L1TD1: variants seen among roughly 807,000 people sequenced by gnomAD.
The protein encoded by L1TD1 is LINE-1 type transposase domain-containing protein 1.
A neutral mutation model predicts 25.7 loss-of-function variants in L1TD1; 26 were observed. That is an observed-to-expected ratio of 1.01 (90% CI 0.74 to 1.40). The LOEUF (loss-of-function observed/expected upper bound fraction) is 1.40. L1TD1 is among the 40% of genes most tolerant of loss of function. The pLI, the probability that L1TD1 is intolerant of heterozygous loss-of-function variation, is 0.00. For missense variants in L1TD1, 1,130 were observed against 975.0 expected (o/e 1.16, Z -2.12); for synonymous variants, 421 against 335.6 (o/e 1.25, Z -2.78).
chr1:62,207,488 A>C lies in L1TD1; in HGVS notation c.860A>C (p.Asp287Ala), dbSNP rs1285941320. Residue 287 changes from aspartate to alanine, a missense_variant, in exon 3 of 4, where the codon GAT (aspartate) becomes GCT (alanine). Transcript: ENST00000498273. ...LCEVKLAFKC[D>A]GEIKTFSDLQ... ...GAAGTTAAATTAGCATTTAAATGTG[A>C]TGGTGAAATAAAGACATTTTCAGAT... The C allele has an allele frequency of 6.4e-7, 1 of 1,551,324 alleles. No individual in the cohort carries two copies. The highest frequency in any genetic ancestry group is 8.7e-7 in the Non-Finnish European group (1 of 1,146,874).
chr1:62,200,670 T>A (rs1291599089), intron 2 of L1TD1, among the ~76,000 whole-genome samples: 1 of 152,120 alleles, frequency 6.6e-6, no homozygotes, highest in Non-Finnish European at 1.5e-5. Context: ...TTCCTAAGTG[T>A]ACAGGTGGTT....
At chr1:62,202,053 C>T (rs1670648813) in intron 2 of L1TD1, among the ~76,000 whole-genome samples, 1 of 152,176 alleles carries the variant, frequency 6.6e-6, no homozygotes, top group African/African-American at 2.4e-5. Flanking sequence ...GTAATCCCAG[C>T]ACTTTGGGAG....
Position 62,211,540 on chromosome 1 carries a change from T to A in L1TD1, c.*168T>A. ...ATATTACCTAGATGTTAATAAAGGG[T>A]ATGTTTAAAAAAAATAGGCTGGTCT... is the stretch of plus-strand genomic sequence containing the variant. On this transcript the variant is annotated 3_prime_UTR_variant, in exon 4 of 4. Transcript: ENST00000498273. The A allele has an allele frequency of 8.5e-7, 1 of 1,172,900 alleles. No individual in the cohort carries two copies. The highest frequency in any genetic ancestry group is 1.1e-6 in the Non-Finnish European group (1 of 876,824). 72.7% of individuals were successfully genotyped at this position (1,172,900 alleles called of 1,614,324 possible).
Position 62,209,754 on chromosome 1 carries a change from C to T in L1TD1, c.1009-29C>T, listed in dbSNP as rs564587664. The T allele has an allele frequency of 6.4e-6, 9 of 1,412,868 alleles. No individual in the cohort carries two copies. In the African/African-American group the frequency reaches 1.2e-4, roughly 18 times the overall value. 87.5% of individuals were successfully genotyped at this position (1,412,868 alleles called of 1,614,324 possible). ...AGACAAATGATTTAAACAAATAACT[C>T]TTTTTTTTCTTCTTTGTTTAACTTT... On this transcript the variant is annotated intron_variant, in intron 3 of 3. Coordinates refer to ENST00000498273, the MANE Select transcript of L1TD1 (RefSeq NM_019079.5).
At chr1:62,205,428 TATATATATATATA>T (rs1670723224) in intron 2 of L1TD1, among the ~76,000 whole-genome samples, 1 of 71,040 alleles carries the variant, frequency 1.4e-5, no homozygotes, top group Non-Finnish European at 3.0e-5. Context: ...TATATATATA[TATATATATATATA>T]TATTTTTTTT....
chr1:62,195,344 GAAA>G (rs758927711), intron 1 of L1TD1, among the ~76,000 whole-genome samples: 1 of 152,194 alleles, frequency 6.6e-6, no homozygotes. Context: ...GGCGCAATGA[GAAA>G]AAAACTCTCC....
rs768724581 is a variant in L1TD1 at position 62,206,744 on chromosome 1, C to T, written c.116C>T (p.Pro39Leu). ...ACAGAAACTGATAAGGACATAGCTC[C>T]GGTATTAGATTTAAAATGCAAGGAC... ...QLTETDKDIA[P>L]VLDLKCKDVS... The change falls in exon 3 of 4, where the codon CCG becomes CTG. Residue 39 changes from proline to leucine, a missense_variant. Physicochemically the swap from Pro to Leu is moderately conservative, Grantham distance 98. Transcript: ENST00000498273. 3.0e-5 allele frequency: 46 copies of T among 1,552,112 alleles called. No homozygotes were observed. Among genetic ancestry groups the T allele is most frequent in the Non-Finnish European group, 3.6e-5 (41 of 1,147,174 alleles).
chr1:62,207,003 A>G lies in L1TD1; in HGVS notation c.375A>G (p.Lys125=). The stretch of plus-strand genomic sequence containing the variant: ...GGAAAATAGAAGGAGAAAACTCTAA[A>G]ATAGGTGATGATAATGAAAATTTAA... ...MVGKIEGENS[K]IGDDNENLTF... The change falls in exon 3 of 4, where the codon AAA becomes AAG. Residue 125 remains lysine (K), a synonymous_variant. Coordinates refer to ENST00000498273, the MANE Select transcript of L1TD1 (RefSeq NM_019079.5). The G allele has an allele frequency of 6.2e-7, 1 of 1,613,136 alleles. No individual in the cohort carries two copies. The highest frequency in any genetic ancestry group is 1.1e-5 in the South Asian group (1 of 90,876).
Position 62,207,649 on chromosome 1 carries a change from A to C in L1TD1, c.1008+13A>C. On this transcript the variant is annotated intron_variant, in intron 3 of 3. Coordinates refer to ENST00000498273, the MANE Select transcript of L1TD1 (RefSeq NM_019079.5). Reference sequence around the variant, plus strand: ...TCAAGAAAAAAGGGTAAGCATACAAATGTATAAATGTATAAAGCTTATGTA... The same window carrying C: ...TCAAGAAAAAAGGGTAAGCATACAACTGTATAAATGTATAAAGCTTATGTA... The C allele has an allele frequency of 6.7e-7, 1 of 1,499,802 alleles. No homozygotes were observed. Among genetic ancestry groups the C allele is most frequent in the Non-Finnish European group, 8.9e-7 (1 of 1,124,652 alleles). The allele number at this position is 1,499,802 out of a possible 1,614,324, so 92.9% of individuals were successfully genotyped here.
chr1:62,195,271 C>A (rs1296870612), intron 1 of L1TD1, among the ~76,000 whole-genome samples: 1 of 152,050 alleles, frequency 6.6e-6, no homozygotes. Flanking sequence ...GTGCGTGGGG[C>A]CCGGGTAGGG....
chr1:62,205,456 C>CAA, intron 2 of L1TD1, among the ~76,000 whole-genome samples: 1 of 52,666 alleles, frequency 1.9e-5, no homozygotes, highest in East Asian at 3.9e-4. Context: ...TTTTTTTAGA[C>CAA]AGTCTTGCTG....
intron 2 of L1TD1, among the ~76,000 whole-genome samples, chr1:62,200,470 CATAATGTATATT>C (rs201474780): frequency 0.015 from 2,343 of 152,148 alleles, 36 homozygotes; most frequent in Non-Finnish European, 0.023. Flanking sequence ...TGTGCCTGGC[CATAATGTATATT>C]ATAATGTATA....
chr1:62,207,159 C>A lies in L1TD1; in HGVS notation c.531C>A (p.Thr177=). 6.4e-7 allele frequency: 1 copy of A among 1,560,866 alleles called. No individual in the cohort carries two copies. Among genetic ancestry groups the A allele is most frequent in the Non-Finnish European group, 8.7e-7 (1 of 1,151,298 alleles). The part of the protein sequence containing the change: ...SYEVMGSMEE[T]LCNIDDRDGN... ...AAGTCATGGGAAGTATGGAAGAAAC[C>A]TTATGCAATATAGATGACAGAGATG... The change falls in exon 3 of 4, where the codon ACC becomes ACA. Residue 177 remains threonine, a synonymous_variant. Coordinates refer to ENST00000498273, the MANE Select transcript of L1TD1 (RefSeq NM_019079.5).
chr1:62,196,211 A>G (rs1237677520), intron 1 of L1TD1, among the ~76,000 whole-genome samples: 1 of 152,072 alleles, frequency 6.6e-6, no homozygotes, highest in Non-Finnish European at 1.5e-5. Flanking sequence ...AGAAGAAACC[A>G]TTCTCTCCGG....
chr1:62,198,844 A>G (rs1369825684), intron 2 of L1TD1, among the ~76,000 whole-genome samples: 2 of 148,664 alleles, frequency 1.3e-5, no homozygotes, highest in Non-Finnish European at 3.0e-5. Flanking sequence ...CTCCCTAATC[A>G]CTTTTTTTTT....
chr1:62,207,741 T>A, intron 3 of L1TD1, 105 bp downstream of exon 3: 1 of 1,338,304 alleles, frequency 7.5e-7, no homozygotes, highest in Non-Finnish European at 9.8e-7. Context: ...AGATGGAGTT[T>A]CGCTCTTGTC....
chr1:62,197,433 A>ATATATATATATATAT (rs1174042182), intron 2 of L1TD1, among the ~76,000 whole-genome samples: 5 of 138,430 alleles, frequency 3.6e-5, no homozygotes, highest in South Asian at 2.3e-4. Context: ...ATATATATAT[A>ATATATATATATATAT]GTTTAGTCCT....
intron 1 of L1TD1, among the ~76,000 whole-genome samples, chr1:62,196,024 G>A (rs1420865509): frequency 7.6e-6 from 1 of 131,866 alleles, no homozygotes; most frequent in Non-Finnish European, 1.6e-5. Flanking sequence ...GCGGCAGAGC[G>A]AAACTCCGTC....
chr1:62,205,435 A>ATTTTTTTTTTTTTTTTT (rs1220640977), intron 2 of L1TD1, among the ~76,000 whole-genome samples: 1 of 36,070 alleles, frequency 2.8e-5, no homozygotes. Context: ...ATATATATAT[A>ATTTTTTTTTTTTTTTTT]TATATATATT....
Sources: gnomAD v4.1 joint callset for allele counts (sites outside exome capture counted in the v4.1 genomes callset) on GRCh38, gnomAD v4.1.1 for gene constraint, MANE v1.5 for transcripts, NCBI Gene and HGNC (gene_info 2026-07-23, HGNC 2026-07-21) for gene names.